FAT4: variants seen among roughly 807,000 people sequenced by gnomAD.
The protein encoded by FAT4 is protocadherin Fat 4.
FAT4 carries 84 observed loss-of-function variants against 303.9 expected under a neutral mutation model. The ratio of observed to expected loss-of-function variants is 0.28; its 90% CI spans 0.23 to 0.33. The LOEUF (loss-of-function observed/expected upper bound fraction) is 0.33. Among genes scored for constraint, FAT4 ranks in the 10% least tolerant of loss-of-function variants. The pLI is 1.00. For missense variants in FAT4, 6,005 were observed against 6,146.8 expected, an observed-to-expected ratio of 0.98 and a Z score of 0.77; for synonymous variants, 2,307 against 2,298.8, an observed-to-expected ratio of 1.00 and a Z score of -0.10.
At chr4:125,391,468 T>C (rs946527445) in intron 2 of FAT4, among the ~76,000 whole-genome samples, 3 of 151,962 alleles carry the variant, frequency 2.0e-5, no homozygotes, top group African/African-American at 7.3e-5. Context: ...AGTTGAACAA[T>C]GAGAACACGT....
Position 125,408,595 on chromosome 4 carries a change from A to G in FAT4, c.5721A>G (p.Glu1907=), listed in dbSNP as rs145529167. 1.2e-6 allele frequency: 2 copies of G among 1,613,008 alleles called. No individual in the cohort carries two copies. The highest frequency in any genetic ancestry group is 2.2e-5 in the East Asian group (1 of 44,772). The change falls in exon 5 of 18, where the codon GAA becomes GAG. Residue 1907 remains glutamate, a synonymous_variant. Coordinates refer to ENST00000394329, the MANE Select transcript of FAT4 (RefSeq NM_001291303.3). ...ATTTGACTCGATTATTAGATTATGA[A>G]GTACAGCAATATTATATCCTCACTG... ...VFNLTRLLDY[E]VQQYYILTVR... is the part of the protein sequence containing the mutation.
Position 125,415,160 on chromosome 4 carries a change from A to T in FAT4, c.6197A>T (p.Asp2066Val), listed in dbSNP as rs1383983111. The change falls in exon 6 of 18, where the codon GAT becomes GTT. Residue 2066 changes from aspartate (D) to valine (V), a missense_variant. Coordinates refer to ENST00000394329, the MANE Select transcript of FAT4 (RefSeq NM_001291303.3). ...TACATTCCAGAAAATACACCTATTGATACTGTTGTTTTCAAAGCTCAAGCA... is the reference window on the plus strand; with the variant it reads ...TACATTCCAGAAAATACACCTATTGTTACTGTTGTTTTCAAAGCTCAAGCA... ...LTYIPENTPIDTVVFKAQATD... is the reference protein window; with the variant it reads ...LTYIPENTPIVTVVFKAQATD... The T allele has an allele frequency of 1.2e-6, 2 of 1,613,952 alleles. No individual in the cohort carries two copies. Among genetic ancestry groups the T allele is most frequent in the African/African-American group, 1.3e-5 (1 of 74,904 alleles).
intron 8 of FAT4, among the ~76,000 whole-genome samples, chr4:125,439,796 C>G (rs1251308557): frequency 6.6e-6 from 1 of 152,108 alleles, no homozygotes; most frequent in Non-Finnish European, 1.5e-5. Flanking sequence ...CATAAGTTAG[C>G]GTATCTACAG....
At chr4:125,432,417 C>A (rs1321279588) in intron 7 of FAT4, among the ~76,000 whole-genome samples, 1 of 152,170 alleles carries the variant, frequency 6.6e-6, no homozygotes, top group Non-Finnish European at 1.5e-5. Flanking sequence ...ACTTCTTAAA[C>A]CAGTGCATGC....
chr4:125,337,660 C>T (rs1330308900), intron 2 of FAT4, among the ~76,000 whole-genome samples: 1 of 151,954 alleles, frequency 6.6e-6, no homozygotes, highest in Admixed American at 6.5e-5. Context: ...CTTATGTAAA[C>T]ACAGCCAGAT....
intron 12 of FAT4, among the ~76,000 whole-genome samples, chr4:125,471,690 TTAA>T (rs1368618945): frequency 6.6e-6 from 1 of 151,814 alleles, no homozygotes; most frequent in African/African-American, 2.4e-5. Context: ...TCAAGGATTT[TTAA>T]TAAGAAAATG....
intron 8 of FAT4, among the ~76,000 whole-genome samples, chr4:125,436,932 G>T (rs1477335088): frequency 6.6e-6 from 1 of 152,044 alleles, no homozygotes; most frequent in African/African-American, 2.4e-5. Flanking sequence ...TCAGCTCACT[G>T]CAGCCTCTGC....
chr4:125,329,326 G>A (rs534573398), intron 2 of FAT4, among the ~76,000 whole-genome samples: 1 of 152,258 alleles, frequency 6.6e-6, no homozygotes, highest in African/African-American at 2.4e-5. Context: ...AGATCCAATG[G>A]CCTTTCTCAA....
chr4:125,410,183 T>C (rs1734789650), intron 5 of FAT4, among the ~76,000 whole-genome samples: 1 of 152,170 alleles, frequency 6.6e-6, no homozygotes. Context: ...TCCTCTAATT[T>C]AAGTGCAGTT....
At chr4:125,327,169 A>G (rs1307337253) in intron 2 of FAT4, among the ~76,000 whole-genome samples, 2 of 152,210 alleles carry the variant, frequency 1.3e-5, no homozygotes, top group African/African-American at 4.8e-5. Context: ...TGAATTAGGA[A>G]GACTTCCAAG....
intron 2 of FAT4, chr4:125,394,127 A>G (rs925242): frequency 0.98 from 552,744 of 563,032 alleles, 271,979 homozygotes; most frequent in East Asian, 1. Flanking sequence ...TGCAGAAAAC[A>G]TGGAAGTGCC....
intron 3 of FAT4, among the ~76,000 whole-genome samples, chr4:125,400,472 T>C: frequency 6.6e-6 from 1 of 152,036 alleles, no homozygotes; most frequent in East Asian, 1.9e-4. Flanking sequence ...GAATATTTCA[T>C]GTAAGTATTA....
intron 8 of FAT4, among the ~76,000 whole-genome samples, chr4:125,443,898 G>A (rs192167888): frequency 6.6e-6 from 1 of 152,122 alleles, no homozygotes; most frequent in East Asian, 1.9e-4. Context: ...AGCTTATTGT[G>A]TTTCTTCTAT....
chr4:125,382,351 G>A (rs577473374), intron 2 of FAT4, among the ~76,000 whole-genome samples: 1 of 152,272 alleles, frequency 6.6e-6, no homozygotes, highest in East Asian at 1.9e-4. Context: ...GCTGCAGAAT[G>A]GATGCTGTGT....
intron 3 of FAT4, among the ~76,000 whole-genome samples, chr4:125,402,851 G>A (rs923497726): frequency 2.9e-4 from 44 of 151,794 alleles, no homozygotes; most frequent in African/African-American, 1.1e-3. Context: ...ATTCTTTGAG[G>A]TTAATTACAA....
chr4:125,387,362 C>T (rs112171204), intron 2 of FAT4, among the ~76,000 whole-genome samples: 2 of 152,290 alleles, frequency 1.3e-5, no homozygotes, highest in African/African-American at 4.8e-5. Context: ...AGCCAAGTCT[C>T]GTGTAGGTTC....
intron 2 of FAT4, among the ~76,000 whole-genome samples, chr4:125,374,359 A>G (rs1733236383): frequency 6.6e-6 from 1 of 152,200 alleles, no homozygotes. Context: ...TAAAATGATG[A>G]AGCATCAGTG....
At chr4:125,336,984 T>C (rs1235262738) in intron 2 of FAT4, among the ~76,000 whole-genome samples, 2 of 152,008 alleles carry the variant, frequency 1.3e-5, no homozygotes, top group African/African-American at 4.8e-5. Context: ...TTCCATTTTG[T>C]AGATGGAGTA....
intron 10 of FAT4, among the ~76,000 whole-genome samples, chr4:125,454,821 T>G (rs1726222153): frequency 6.6e-6 from 1 of 152,104 alleles, no homozygotes; most frequent in African/African-American, 2.4e-5. Flanking sequence ...CCGACAACAG[T>G]AAGACTCCAT....
Sources: allele counts gnomAD v4.1 joint callset (sites outside exome capture counted in the v4.1 genomes callset), GRCh38; gene constraint gnomAD v4.1.1; transcripts MANE v1.5; gene names NCBI Gene and HGNC (gene_info 2026-07-23, HGNC 2026-07-21).